FBXO25: variants seen among roughly 807,000 people sequenced by gnomAD.
The protein encoded by FBXO25 is F-box only protein 25.
A neutral mutation model predicts 51.9 loss-of-function variants in FBXO25; 45 were observed. That is an observed-to-expected ratio of 0.87 (90% confidence interval 0.68 to 1.11). FBXO25 has a LOEUF of 1.11. Among genes scored for constraint, FBXO25 ranks in the 50% most tolerant of loss-of-function variants. The pLI, the probability that FBXO25 is intolerant of heterozygous loss-of-function variation, is 0.00. For synonymous variants in FBXO25, 199 were observed against 151.0 expected, an observed-to-expected ratio of 1.32 and a Z score of -2.33; for missense variants, 507 against 428.5, an observed-to-expected ratio of 1.18 and a Z score of -1.62.
Position 476,377 on chromosome 8 carries a change from C to G in FBXO25, c.*7573C>G, listed in dbSNP as rs563285108. 3 of 152,216 alleles carry G rather than the reference C, an allele frequency of 2.0e-5. No individual in the cohort carries two copies. Among genetic ancestry groups the G allele is most frequent in the South Asian group, 2.1e-4 (1 of 4,814 alleles). The allele number at this position is 152,216 out of a possible 1,614,324, so 9.4% of individuals were successfully genotyped here. On this transcript the variant is annotated 3_prime_UTR_variant, in exon 10 of 10. Transcript: ENST00000350302. ...GTTTTGGTATCAGAATAATGATGGC[C>G]TCATAGAATGCATTTGGAAGTGTCC...
chr8:427,647 C>A (rs7823777), intron 2 of FBXO25, among the ~76,000 whole-genome samples: 77,085 of 138,768 alleles, frequency 0.56, 25,355 homozygotes, highest in African/African-American at 0.89. Flanking sequence ...TCCTACTGGC[C>A]ACTCAGGGAA....
intron 8 of FBXO25, 115 bp from the exon 9 acceptor site, chr8:462,892 A>G: frequency 8.2e-7 from 1 of 1,213,292 alleles, no homozygotes; most frequent in Non-Finnish European, 1.1e-6. Context: ...CCCTAAAGCT[A>G]TTGAAGTTTA....
intron 2 of FBXO25, among the ~76,000 whole-genome samples, chr8:430,942 T>C (rs75995042): frequency 4.6e-5 from 7 of 152,206 alleles, no homozygotes; most frequent in African/African-American, 1.4e-4. Flanking sequence ...TAAACAGAAA[T>C]GTTGAGTGGT....
rs1800580176 is a variant in FBXO25, at chr8:474,350, C to T, written c.*5546C>T. On this transcript the variant is annotated 3_prime_UTR_variant, in exon 10 of 10. Transcript: ENST00000350302. ...TTTGTGTACTCATCTGTTGAGGACA[C>T]TTGAGTTGCTTCCACCTTTTAGCTA... is the stretch of plus-strand genomic sequence containing the variant. The T allele has an allele frequency of 4.0e-6, 1 of 252,418 alleles. No homozygotes were observed. Among genetic ancestry groups the T allele is most frequent in the Non-Finnish European group, 7.7e-6 (1 of 130,714 alleles). 15.6% of individuals were successfully genotyped at this position (252,418 alleles called of 1,614,324 possible).
At chr8:413,985 G>A (rs1796645640) in intron 2 of FBXO25, among the ~76,000 whole-genome samples, 1 of 152,142 alleles carries the variant, frequency 6.6e-6, no homozygotes, top group Non-Finnish European at 1.5e-5. Context: ...TCTTGAGATA[G>A]CCTCCTCTAG....
At chr8:463,711 A>G (rs979434585) in intron 9 of FBXO25, among the ~76,000 whole-genome samples, 9 of 152,240 alleles carry the variant, frequency 5.9e-5, no homozygotes, top group Non-Finnish European at 1.2e-4. Context: ...ACTTATCTGC[A>G]AGTCTCATCC....
intron 9 of FBXO25, among the ~76,000 whole-genome samples, chr8:466,227 C>A (rs115167256): frequency 6.6e-6 from 1 of 152,242 alleles, no homozygotes; most frequent in Non-Finnish European, 1.5e-5. Context: ...CCATCTCCTC[C>A]GCCGTGGGTT....
At chr8:460,004 G>C (rs1799704103) in intron 8 of FBXO25, among the ~76,000 whole-genome samples, 1 of 152,100 alleles carries the variant, frequency 6.6e-6, no homozygotes. Flanking sequence ...GAGAACAGTA[G>C]ATTGAATTTT....
At chr8:428,480 C>A (rs1179088401) in intron 2 of FBXO25, among the ~76,000 whole-genome samples, 2 of 150,188 alleles carry the variant, frequency 1.3e-5, no homozygotes. Flanking sequence ...ATGAACAAGA[C>A]AAGCTGCTAC....
chr8:468,488 G>A (rs1800335330), intron 9 of FBXO25, among the ~76,000 whole-genome samples: 2 of 152,102 alleles, frequency 1.3e-5, no homozygotes, highest in Admixed American at 6.6e-5. Flanking sequence ...CAGACCTGGG[G>A]CCACCGTCTC....
At chr8:435,930 A>G (rs1232781005) in intron 5 of FBXO25, among the ~76,000 whole-genome samples, 1 of 152,176 alleles carries the variant, frequency 6.6e-6, no homozygotes, top group Non-Finnish European at 1.5e-5. Context: ...AGTGGGAGCA[A>G]ACACTCATCT....
At position 432,777 on chromosome 8, in the gene FBXO25, T is replaced by C. The variant is rs557265987; in HGVS notation, c.239-109T>C. ...CACGTAAAAGCATTTCTTGTCAATA[T>C]AGTAAGTCAGATAATTTTGTTAACA... On this transcript the variant is annotated intron_variant, in intron 3 of 9. Transcript: ENST00000350302. 11 of 1,293,806 alleles carry C rather than the reference T, an allele frequency of 8.5e-6. No homozygotes were observed. In the East Asian group the frequency reaches 2.8e-4, roughly 33 times the overall value. 80.1% of individuals were successfully genotyped at this position (1,293,806 alleles called of 1,614,324 possible).
chr8:438,878 T>C (rs1279618606), intron 5 of FBXO25, among the ~76,000 whole-genome samples: 3 of 152,294 alleles, frequency 2.0e-5, no homozygotes, highest in Admixed American at 2.0e-4. Flanking sequence ...CCCTGGCCCT[T>C]AGGTGTGCCA....
rs560770641 is a variant in FBXO25, at chr8:412,057, G to T, written c.-7-1016G>T. 3.4e-4 allele frequency among the ~76,000 whole-genome samples: 52 copies of T among 152,302 alleles called. No homozygotes were observed. The South Asian group carries it at 7.0e-3, about 21-fold the overall frequency. On this transcript the variant is annotated intron_variant, in intron 1 of 9. Transcript: ENST00000350302. ...CAAGAGGAGCAGAAATCAAGTCAGT[G>T]GGAAGAACTAGCATTTGAAGTCTCA...
At chr8:454,587 T>C (rs73669385) in intron 7 of FBXO25, among the ~76,000 whole-genome samples, 385 of 152,212 alleles carry the variant, frequency 2.5e-3, no homozygotes, top group African/African-American at 8.9e-3. Context: ...TGATGTGATG[T>C]TTTAGGTGGA....
intron 5 of FBXO25, among the ~76,000 whole-genome samples, chr8:443,084 G>A (rs55801985): frequency 2.7e-5 from 4 of 148,958 alleles, no homozygotes; most frequent in South Asian, 2.2e-4. Flanking sequence ...CCTCAGCTCC[G>A]CTGAGAGTCT....
chr8:430,700 G>A (rs1233152140), intron 2 of FBXO25, among the ~76,000 whole-genome samples: 1 of 152,042 alleles, frequency 6.6e-6, no homozygotes, highest in African/African-American at 2.4e-5. Flanking sequence ...ATTTACAGGT[G>A]TTTTTTTAAA....
At chr8:445,785 C>T (rs1254233950) in intron 5 of FBXO25, among the ~76,000 whole-genome samples, 4 of 152,170 alleles carry the variant, frequency 2.6e-5, no homozygotes, top group Non-Finnish European at 5.9e-5. Flanking sequence ...GCTAGAGAAT[C>T]GCTTGAACCC....
chr8:429,486 T>G (rs1797688954), intron 2 of FBXO25, among the ~76,000 whole-genome samples: 1 of 152,214 alleles, frequency 6.6e-6, no homozygotes, highest in Non-Finnish European at 1.5e-5. Context: ...TGCTGTGACG[T>G]GTAGTTGATT....
Sources: gnomAD v4.1 joint callset for allele counts (sites outside exome capture counted in the v4.1 genomes callset) on GRCh38, gnomAD v4.1.1 for gene constraint, MANE v1.5 for transcripts, NCBI Gene and HGNC (gene_info 2026-07-23, HGNC 2026-07-21) for gene names.